The following CUL3 variants were observed in gnomAD, a reference collection of about 807,000 sequenced individuals.
CUL3 encodes the protein cullin 3.
A neutral mutation model predicts 89.1 loss-of-function variants in CUL3; 19 were observed. The ratio of observed to expected loss-of-function variants is 0.21; its 90% CI spans 0.15 to 0.31. The LOEUF is 0.31. Among genes scored for constraint, CUL3 ranks in the 10% least tolerant of loss-of-function variants. The probability of loss-of-function intolerance (pLI) is 1.00; values close to 1 mark genes in which losing one functional copy is unlikely to be tolerated. For synonymous variants in CUL3, 351 were observed against 308.4 expected (o/e 1.14, Z -1.45); for missense variants, 469 against 942.3 (o/e 0.50, Z 6.58).
chr2:224,571,283 A>C (rs1695173948), intron 1 of CUL3, among the ~76,000 whole-genome samples: 1 of 152,214 alleles, frequency 6.6e-6, no homozygotes, highest in African/African-American at 2.4e-5. Context: ...ACTTCAAAAT[A>C]AAATTTGTTG....
intron 3 of CUL3, among the ~76,000 whole-genome samples, chr2:224,530,263 A>G (rs930404776): frequency 7.2e-5 from 11 of 151,800 alleles, no homozygotes; most frequent in African/African-American, 2.7e-4. Flanking sequence ...AAACAAAACA[A>G]AAACAAAAAC....
At chr2:224,497,340 T>C (rs1314757491) in intron 12 of CUL3, among the ~76,000 whole-genome samples, 1 of 152,152 alleles carries the variant, frequency 6.6e-6, no homozygotes, top group African/African-American at 2.4e-5. Flanking sequence ...CATTTATATA[T>C]CTAACAAATC....
At chr2:224,516,342 G>A (rs1218964177) in intron 3 of CUL3, among the ~76,000 whole-genome samples, 2 of 148,326 alleles carry the variant, frequency 1.3e-5, no homozygotes, top group African/African-American at 5.0e-5. Flanking sequence ...TTTTGATATG[G>A]GGTGTCGCTC....
chr2:224,559,829 C>T (rs1302207654), intron 1 of CUL3, among the ~76,000 whole-genome samples: 1 of 152,184 alleles, frequency 6.6e-6, no homozygotes, highest in Non-Finnish European at 1.5e-5. Flanking sequence ...CACCCATAAT[C>T]CCAGCACTTT....
chr2:224,511,631 T>C, intron 5 of CUL3, 49 bp from the exon 6 acceptor site: 1 of 1,109,726 alleles, frequency 9.0e-7, no homozygotes, highest in Non-Finnish European at 1.3e-6. Flanking sequence ...GAAAAGAGTG[T>C]TTTTGCTTTT....
chr2:224,471,882 A>G lies in CUL3; in HGVS notation c.*2363T>C. ...CACCCTCCTTAAAAGTCTTCTAATAAATCACCAAAATTTCTCTGCACCAAC... is the reference window on the plus strand; with the variant it reads ...CACCCTCCTTAAAAGTCTTCTAATAGATCACCAAAATTTCTCTGCACCAAC... On this transcript the variant is annotated 3_prime_UTR_variant, in exon 16 of 16. Coordinates refer to ENST00000264414, the MANE Select transcript of CUL3 (RefSeq NM_003590.5). The G allele has an allele frequency of 8.7e-6, 2 of 230,750 alleles. No individual in the cohort carries two copies. Among genetic ancestry groups the G allele is most frequent in the Non-Finnish European group, 1.7e-5 (2 of 116,626 alleles). 14.3% of individuals were successfully genotyped at this position (230,750 alleles called of 1,614,324 possible).
chr2:224,585,094 G>T lies in CUL3; in HGVS notation c.-85C>A. ...TTTAAGGCGGGCAGGCAGGCTAGGG[G>T]CGACGCTGGGGGCGGCGGCGGCGCG... On this transcript the variant is annotated 5_prime_UTR_variant, in exon 1 of 16. Transcript: ENST00000264414. 1 of 1,139,284 alleles carries T rather than the reference G, an allele frequency of 8.8e-7. No homozygotes were observed. Among genetic ancestry groups the T allele is most frequent in the Non-Finnish European group, 1.2e-6 (1 of 855,244 alleles). The allele number at this position is 1,139,284 out of a possible 1,614,324, so 70.6% of individuals were successfully genotyped here.
At chr2:224,502,646 G>C (rs1304417191) in intron 10 of CUL3, among the ~76,000 whole-genome samples, 1 of 152,178 alleles carries the variant, frequency 6.6e-6, no homozygotes, top group Non-Finnish European at 1.5e-5. Context: ...CAGTAAACTT[G>C]TGTTAAGCCC....
rs114397177 is a variant in CUL3, at chr2:224,559,148, T to C, written c.67-1292A>G. 1.9e-3 allele frequency among the ~76,000 whole-genome samples: 290 copies of C among 152,194 alleles called. 3 individuals are homozygous for C. The highest frequency in any genetic ancestry group is 6.6e-3 in the African/African-American group (274 of 41,540). On this transcript the variant is annotated intron_variant, in intron 1 of 15. Transcript: ENST00000264414. ...TCTGGTAGATAATTTCCATTCATAC[T>C]GAAAACTGTCAGTTTCACCACATGG...
In CUL3 at chr2:224,506,862, A is replaced by C; in HGVS notation, c.1025T>G (p.Ile342Ser). ...GAATCTTCTGGGTTTACTTACCTGG[A>C]TATAGTCAACAGGATTCTTTCCTTC... is the stretch of plus-strand genomic sequence containing the variant. ...EGEGKNPVDY[I>S]QGLLDLKSRF... The change falls in exon 7 of 16, where the codon ATC (isoleucine) becomes AGC (serine). Residue 342 changes from isoleucine (I) to serine (S), a missense_variant. Physicochemically the swap from Ile to Ser is moderately radical, Grantham distance 142 (BLOSUM62 -2). Around this residue, in one of 4 missense-constraint regions of CUL3, gnomAD observed 370 missense variants for 733.2 expected, o/e 0.50. Coordinates refer to ENST00000264414, the MANE Select transcript of CUL3 (RefSeq NM_003590.5). The C allele has an allele frequency of 4.3e-6, 7 of 1,612,836 alleles. No individual in the cohort carries two copies. Among genetic ancestry groups the C allele is most frequent in the Non-Finnish European group, 5.9e-6 (7 of 1,179,528 alleles).
intron 11 of CUL3, among the ~76,000 whole-genome samples, chr2:224,498,175 T>C (rs916910704): frequency 6.6e-6 from 1 of 152,204 alleles, no homozygotes; most frequent in African/African-American, 2.4e-5. Flanking sequence ...ATAATCAATT[T>C]GTTCTAAGTC....
At chr2:224,542,267 C>G (rs13013735) in intron 2 of CUL3, among the ~76,000 whole-genome samples, 1 of 151,986 alleles carries the variant, frequency 6.6e-6, no homozygotes, top group Non-Finnish European at 1.5e-5. Context: ...TAGCTTTTCT[C>G]GCATTTTTAA....
At chr2:224,579,208 T>C (rs944234585) in intron 1 of CUL3, among the ~76,000 whole-genome samples, 5 of 152,198 alleles carry the variant, frequency 3.3e-5, no homozygotes, top group African/African-American at 1.2e-4. Context: ...GCTATGACAA[T>C]ACTGGCTGTC....
Position 224,537,613 on chromosome 2 carries a change from A to G in CUL3, c.265-1972T>C, listed in dbSNP as rs181282709. 8.3e-3 allele frequency among the ~76,000 whole-genome samples: 1,260 copies of G among 152,318 alleles called. 10 individuals are homozygous for G. The highest frequency in any genetic ancestry group is 0.029 in the African/African-American group (1,202 of 41,590). ...AAAACGTGCTTATTTTCAAAATTTT[A>G]CACCAAGCTTCATATTCCTTTACTG... On this transcript the variant is annotated intron_variant, in intron 2 of 15. Transcript: ENST00000264414.
intron 1 of CUL3, among the ~76,000 whole-genome samples, chr2:224,577,624 CCACACTCTTAA>C (rs1314328607): frequency 5.3e-5 from 8 of 151,792 alleles, no homozygotes; most frequent in Non-Finnish European, 8.8e-5. Context: ...GTATTCAAGC[CCACACTCTTAA>C]CTACTATGCT....
At chr2:224,583,634 T>C (rs1695495848) in intron 1 of CUL3, among the ~76,000 whole-genome samples, 1 of 152,252 alleles carries the variant, frequency 6.6e-6, no homozygotes, top group South Asian at 2.1e-4. Context: ...CCATCGTACC[T>C]ATTTACACAA....
At chr2:224,499,150 T>C (rs1389031385) in intron 11 of CUL3, among the ~76,000 whole-genome samples, 1 of 152,228 alleles carries the variant, frequency 6.6e-6, no homozygotes, top group Non-Finnish European at 1.5e-5. Flanking sequence ...AAATTATTTC[T>C]GATACAAATC....
At chr2:224,533,745 T>TAAC in intron 3 of CUL3, among the ~76,000 whole-genome samples, 1 of 152,240 alleles carries the variant, frequency 6.6e-6, no homozygotes, top group Non-Finnish European at 1.5e-5. Context: ...TTCAAAATGA[T>TAAC]AACACAAGGT....
chr2:224,535,466 A>T (rs1693862108), intron 3 of CUL3, 62 bp downstream of exon 3: 1 of 1,131,844 alleles, frequency 8.8e-7, no homozygotes, highest in Admixed American at 2.5e-5. Context: ...CACCGTGCCC[A>T]GCCTTCAACT....
Sources: allele counts gnomAD v4.1 joint callset (sites outside exome capture counted in the v4.1 genomes callset), GRCh38; gene constraint gnomAD v4.1.1; regional missense constraint gnomAD v4.1.1; transcripts MANE v1.5; gene names NCBI Gene and HGNC (gene_info 2026-07-23, HGNC 2026-07-21).